DMGDH: variants seen among roughly 807,000 people sequenced by gnomAD.
DMGDH encodes the protein dimethylglycine dehydrogenase, also known as dimethylglycine dehydrogenase, mitochondrial.
In DMGDH, 76 loss-of-function variants were observed where a neutral mutation model predicts 95.2. The observed-to-expected ratio is 0.80, with a 90% CI of 0.66 to 0.97. The LOEUF is 0.97. Among genes scored for constraint, DMGDH ranks in the 50% least tolerant of loss-of-function variants. DMGDH has a pLI of 0.00. For missense variants in DMGDH, 987 were observed against 1,055.0 expected (o/e 0.94, Z 0.89); for synonymous variants, 345 against 377.6 (o/e 0.91, Z 1.00).
intron 14 of DMGDH, among the ~76,000 whole-genome samples, chr5:79,009,360 CTTTTCT>C (rs773020066): frequency 6.2e-4 from 67 of 107,740 alleles, no homozygotes; most frequent in African/African-American, 8.5e-4. Flanking sequence ...CTTTTCTTTT[CTTTTCT>C]TTTTTTTTTT....
intron 9 of DMGDH, among the ~76,000 whole-genome samples, chr5:79,032,308 C>T (rs1375770457): frequency 2.0e-5 from 3 of 152,216 alleles, no homozygotes; most frequent in Admixed American, 1.3e-4. Context: ...AAATCCAAAA[C>T]TCCAGGTACA....
chr5:79,003,969 A>C (rs112355163), intron 15 of DMGDH, among the ~76,000 whole-genome samples: 1,854 of 151,050 alleles, frequency 0.012, 38 homozygotes, highest in African/African-American at 0.043. Context: ...TAAATAAATA[A>C]AAATAAAATA....
Position 79,033,412 on chromosome 5 carries a change from T to C in DMGDH, c.1194-4A>G, listed in dbSNP as rs1411757548. The C allele has an allele frequency of 1.2e-6, 2 of 1,614,058 alleles. No homozygotes were observed. Among genetic ancestry groups the C allele is most frequent in the Non-Finnish European group, 1.7e-6 (2 of 1,180,024 alleles). On this transcript the variant is annotated splice_polypyrimidine_tract_variant and splice_region_variant and intron_variant, in intron 7 of 15. Transcript: ENST00000255189. Reference sequence around the variant, plus strand: ...ACCAGCGTGGATTATGCCATATCTTTCAAATACAGGGATAGAAAACCCATT... The same window carrying C: ...ACCAGCGTGGATTATGCCATATCTTCCAAATACAGGGATAGAAAACCCATT...
Position 79,069,553 on chromosome 5 carries a change from G to A in DMGDH, c.68C>T (p.Pro23Leu). 2 of 1,326,374 alleles carry A rather than the reference G, an allele frequency of 1.5e-6. No individual in the cohort carries two copies. The highest frequency in any genetic ancestry group is 3.5e-5 in the Admixed American group (1 of 28,210). 82.2% of individuals were successfully genotyped at this position (1,326,374 alleles called of 1,614,324 possible). The change falls in exon 1 of 16, where the codon CCC becomes CTC. Residue 23 changes from proline to leucine, a missense_variant. By Grantham distance (98) the Pro-to-Leu change is moderately conservative. Coordinates refer to ENST00000255189, the MANE Select transcript of DMGDH (RefSeq NM_013391.3). Reference protein sequence around the residue: ...LLRSCPLQGSPGRPRSVCGRE... With the variant: ...LLRSCPLQGSLGRPRSVCGRE... ...GCCGCAGACAGAGCGCGGGCGCCCG[G>A]GGGAGCCCTGCAGCGGGCAGCTCCG...
intron 14 of DMGDH, chr5:79,021,812 G>A: frequency 1.0e-6 from 1 of 955,136 alleles, no homozygotes. Flanking sequence ...AGTCTGATAA[G>A]CCCACTGTGG....
At chr5:79,030,647 C>CAA (rs59687681) in intron 10 of DMGDH, 186 bp downstream of exon 10, 1,083 of 385,256 alleles carry the variant, frequency 2.8e-3, no homozygotes, top group East Asian at 5.9e-3. Flanking sequence ...CTCTGTCTCT[C>CAA]AAAAAAAAAA....
At chr5:79,012,680 C>G (rs1203037789) in intron 14 of DMGDH, among the ~76,000 whole-genome samples, 1 of 152,266 alleles carries the variant, frequency 6.6e-6, no homozygotes, top group African/African-American at 2.4e-5. Flanking sequence ...AACTCTTGCA[C>G]TTTGTGCACC....
chr5:79,015,150 C>T (rs1186908801), intron 14 of DMGDH, among the ~76,000 whole-genome samples: 1 of 152,072 alleles, frequency 6.6e-6, no homozygotes, highest in East Asian at 1.9e-4. Context: ...TGACAATTTC[C>T]CACCCACACC....
chr5:79,016,324 G>A (rs1753734118), intron 14 of DMGDH, among the ~76,000 whole-genome samples: 1 of 151,890 alleles, frequency 6.6e-6, no homozygotes, highest in Non-Finnish European at 1.5e-5. Flanking sequence ...TATACAACAT[G>A]ATTGTCCATG....
chr5:79,051,377 C>T lies in DMGDH; in HGVS notation c.655G>A (p.Val219Ile), dbSNP rs762056815. ...TCTGACCTGGCTTTCAGAGAAGTTA[C>T]TGGTGCAGGATATTTTAAAAGGGCA... The part of the protein sequence containing the change: ...CGALLKYPAP[V>I]TSLKARSDGT... Residue 219 changes from valine to isoleucine, a missense_variant, in exon 5 of 16, where the codon GTA (valine) becomes ATA (isoleucine). Val to Ile is a conservative substitution (Grantham distance 29). Coordinates refer to ENST00000255189, the MANE Select transcript of DMGDH (RefSeq NM_013391.3). 6.8e-6 allele frequency: 11 copies of T among 1,614,160 alleles called. No individual in the cohort carries two copies. In the South Asian group the frequency reaches 1.2e-4, roughly 18 times the overall value.
At chr5:79,045,276 G>T (rs2112649829) in intron 5 of DMGDH, among the ~76,000 whole-genome samples, 1 of 152,366 alleles carries the variant, frequency 6.6e-6, no homozygotes, top group East Asian at 1.9e-4. Flanking sequence ...GGTCTCATAA[G>T]TAGGCAGGGA....
chr5:79,062,942 A>G (rs1755253153), intron 2 of DMGDH, among the ~76,000 whole-genome samples: 1 of 152,016 alleles, frequency 6.6e-6, no homozygotes, highest in Admixed American at 6.6e-5. Context: ...AAATACAAAA[A>G]TTAGCTGGGT....
chr5:79,055,112 G>T (rs1052903749), intron 3 of DMGDH, among the ~76,000 whole-genome samples: 1 of 152,232 alleles, frequency 6.6e-6, no homozygotes, highest in Non-Finnish European at 1.5e-5. Flanking sequence ...ACAAAAAGCA[G>T]TGATTTGAGA....
intron 14 of DMGDH, among the ~76,000 whole-genome samples, chr5:79,012,874 T>C (rs1197635065): frequency 6.6e-6 from 1 of 152,216 alleles, no homozygotes; most frequent in Admixed American, 6.5e-5. Context: ...AAAACATTCA[T>C]TCCTCTTAGG....
At chr5:79,050,271 A>T (rs1288225562) in intron 5 of DMGDH, among the ~76,000 whole-genome samples, 802 of 19,754 alleles carry the variant, frequency 0.041, 3 homozygotes, top group African/African-American at 0.11. Context: ...AAAAAAAAAA[A>T]AAATATATAT....
intron 14 of DMGDH, among the ~76,000 whole-genome samples, chr5:79,011,283 T>C (rs1198756524): frequency 6.6e-6 from 1 of 152,208 alleles, no homozygotes; most frequent in Non-Finnish European, 1.5e-5. Context: ...ATTTTCCATA[T>C]GAGAAAACTA....
At chr5:78,999,891 G>A (rs1365181043) in intron 15 of DMGDH, among the ~76,000 whole-genome samples, 1 of 150,058 alleles carries the variant, frequency 6.7e-6, no homozygotes, top group Admixed American at 6.6e-5. Context: ...CTGGTGTGGA[G>A]TAAGACTACT....
intron 15 of DMGDH, among the ~76,000 whole-genome samples, chr5:79,001,304 A>G (rs1449653884): frequency 6.6e-6 from 1 of 152,200 alleles, no homozygotes; most frequent in East Asian, 1.9e-4. Flanking sequence ...CTGGGACTAC[A>G]GGTGTACACC....
intron 10 of DMGDH, 175 bp downstream of exon 10, chr5:79,030,647 CAAAAAAAAAAA>C (rs59687681): frequency 1.8e-5 from 7 of 386,390 alleles, no homozygotes; most frequent in South Asian, 1.7e-4. Context: ...CTCTGTCTCT[CAAAAAAAAAAA>C]AAAAAAAAGA....
Sources: gnomAD v4.1 joint callset for allele counts (sites outside exome capture counted in the v4.1 genomes callset) on GRCh38, gnomAD v4.1.1 for gene constraint, MANE v1.5 for transcripts, NCBI Gene and HGNC (gene_info 2026-07-23, HGNC 2026-07-21) for gene names.